Variants in RALYL observed in about 807,000 individuals in gnomAD.
RALYL encodes the protein RNA-binding Raly-like protein.
In RALYL, 29 loss-of-function variants were observed where a neutral mutation model predicts 35.1. The observed-to-expected ratio is 0.83, with a 90% CI of 0.61 to 1.13. RALYL has a LOEUF of 1.13. Ranked by LOEUF, RALYL falls within the 50% of genes most tolerant of loss-of-function variation. The probability of loss-of-function intolerance (pLI) is 0.00; values close to 1 mark genes in which losing one functional copy is unlikely to be tolerated. For missense variants in RALYL, 359 were observed against 360.4 expected (o/e 1.00, Z 0.03); for synonymous variants, 120 against 127.6 (o/e 0.94, Z 0.40).
intron 1 of RALYL, among the ~76,000 whole-genome samples, chr8:84,471,757 G>A (rs1171890165): frequency 6.6e-6 from 1 of 152,142 alleles, no homozygotes; most frequent in Non-Finnish European, 1.5e-5. Flanking sequence ...CATTGGGTAT[G>A]TCATGTTCTG....
intron 1 of RALYL, among the ~76,000 whole-genome samples, chr8:84,295,258 G>A (rs538051567): frequency 6.6e-5 from 10 of 152,204 alleles, no homozygotes; most frequent in African/African-American, 2.2e-4. Flanking sequence ...ACCGTTTGAA[G>A]CAGCAAGATA....
chr8:84,643,886 T>C (rs2131406474), intron 2 of RALYL, among the ~76,000 whole-genome samples: 1 of 152,134 alleles, frequency 6.6e-6, no homozygotes, highest in East Asian at 2.0e-4. Context: ...TGGCTGTTTC[T>C]AGCCATGATC....
chr8:84,260,779 A>T (rs907638926), intron 1 of RALYL, among the ~76,000 whole-genome samples: 1 of 152,200 alleles, frequency 6.6e-6, no homozygotes, highest in East Asian at 1.9e-4. Context: ...AATTTTCAAG[A>T]TCATAGAACC....
At chr8:84,316,261 C>T (rs1048967047) in intron 1 of RALYL, among the ~76,000 whole-genome samples, 8 of 152,194 alleles carry the variant, frequency 5.3e-5, no homozygotes, top group South Asian at 4.1e-4. Context: ...TATTTCCAGA[C>T]GTTCTGGATG....
chr8:84,368,012 C>T (rs1445723034), intron 1 of RALYL, among the ~76,000 whole-genome samples: 1 of 152,098 alleles, frequency 6.6e-6, no homozygotes, highest in Non-Finnish European at 1.5e-5. Flanking sequence ...GTTCTAAGAT[C>T]ACTCTGATTT....
chr8:84,223,230 TC>T (rs1563560475), intron 1 of RALYL, among the ~76,000 whole-genome samples: 15 of 137,922 alleles, frequency 1.1e-4, no homozygotes, highest in African/African-American at 3.8e-4. Context: ...TCCCTTCCCT[TC>T]CCTTCCCTTC....
intron 1 of RALYL, among the ~76,000 whole-genome samples, chr8:84,222,945 C>T (rs906863061): frequency 2.6e-5 from 4 of 152,128 alleles, no homozygotes; most frequent in African/African-American, 7.2e-5. Context: ...TGTAGTGCTA[C>T]TGCCTGCCAC....
At position 84,617,946 on chromosome 8, in the gene RALYL, C is replaced by T. The variant is rs563288437; in HGVS notation, c.256+88369C>T. On this transcript the variant is annotated intron_variant, in intron 2 of 8. Coordinates refer to ENST00000521268, the MANE Select transcript of RALYL (RefSeq NM_173848.7). ...CCTTGCATCCCAGGGATGAAGCCCA[C>T]TTGATCATGGTGGATAAGCCTTTTG... 1.2e-3 allele frequency among the ~76,000 whole-genome samples: 175 copies of T among 151,972 alleles called. 2 individuals are homozygous for T. Among genetic ancestry groups the T allele is most frequent in the Non-Finnish European group, 1.2e-3 (79 of 68,042 alleles).
chr8:84,795,536 A>T (rs1821714125), intron 3 of RALYL, among the ~76,000 whole-genome samples: 2 of 152,184 alleles, frequency 1.3e-5, no homozygotes, highest in South Asian at 4.1e-4. Flanking sequence ...ATACATTATT[A>T]TTTGTACATT....
At chr8:84,796,790 G>C (rs1346287) in intron 3 of RALYL, among the ~76,000 whole-genome samples, 41,986 of 152,004 alleles carry the variant, frequency 0.28, 6,269 homozygotes, top group African/African-American at 0.37. Flanking sequence ...CTAAATTATT[G>C]CATAAACAAC....
intron 1 of RALYL, among the ~76,000 whole-genome samples, chr8:84,267,648 G>T (rs1271097724): frequency 6.6e-6 from 1 of 152,022 alleles, no homozygotes; most frequent in Non-Finnish European, 1.5e-5. Context: ...AAAACTATCT[G>T]CTACCAAGAA....
chr8:84,409,359 T>C (rs2043875206), intron 1 of RALYL, among the ~76,000 whole-genome samples: 1 of 152,064 alleles, frequency 6.6e-6, no homozygotes, highest in Non-Finnish European at 1.5e-5. Flanking sequence ...GCAATGTGTA[T>C]AATTAATTAC....
chr8:84,428,202 A>C (rs1009793458), intron 1 of RALYL, among the ~76,000 whole-genome samples: 2 of 152,032 alleles, frequency 1.3e-5, no homozygotes, highest in African/African-American at 2.4e-5. Flanking sequence ...ACTCTATAGA[A>C]TATATAAACT....
chr8:84,237,933 T>A (rs897181377), intron 1 of RALYL, among the ~76,000 whole-genome samples: 8 of 151,044 alleles, frequency 5.3e-5, no homozygotes, highest in Admixed American at 2.0e-4. Context: ...AGATTTTTTT[T>A]AAAATGAAAG....
chr8:84,800,723 T>C (rs1156651182), intron 3 of RALYL, among the ~76,000 whole-genome samples: 1 of 152,236 alleles, frequency 6.6e-6, no homozygotes, highest in African/African-American at 2.4e-5. Flanking sequence ...TATCACAATG[T>C]AATGATCCGT....
rs71273908 is a variant in RALYL at position 84,638,871 on chromosome 8, AATATAT to A, written c.256+109339_256+109344del. Among the ~76,000 whole-genome samples, 661 of 85,826 alleles carry A rather than the reference AATATAT, an allele frequency of 7.7e-3. 2 individuals are homozygous for A. The highest frequency in any genetic ancestry group is 0.02 in the African/African-American group (258 of 13,092). The allele number at this position is 85,826 out of a possible 152,430, so 56.3% of individuals were successfully genotyped here. On this transcript the variant is annotated intron_variant, in intron 2 of 8. Coordinates refer to ENST00000521268, the MANE Select transcript of RALYL (RefSeq NM_173848.7). Reference sequence around the variant, plus strand: ...AATACGAGTATCTAATGCACGCATAAATATATATATATATATATATATATATATATA... The same window carrying A: ...AATACGAGTATCTAATGCACGCATAAATATATATATATATATATATATATA...
At chr8:84,257,574 C>T (rs1392796368) in intron 1 of RALYL, among the ~76,000 whole-genome samples, 1 of 152,058 alleles carries the variant, frequency 6.6e-6, no homozygotes, top group Non-Finnish European at 1.5e-5. Context: ...TCATCAACAT[C>T]GTCATGGAGA....
chr8:84,731,167 C>T (rs935703404), intron 2 of RALYL, among the ~76,000 whole-genome samples: 4 of 152,060 alleles, frequency 2.6e-5, no homozygotes, highest in Admixed American at 6.6e-5. Context: ...TCTAATCTAT[C>T]GAATGGGAAC....
intron 1 of RALYL, among the ~76,000 whole-genome samples, chr8:84,365,847 A>G (rs924636638): frequency 6.6e-6 from 1 of 152,182 alleles, no homozygotes; most frequent in African/African-American, 2.4e-5. Context: ...AATGGTTAAG[A>G]ACCTAAAGCA....
Sources: allele counts gnomAD v4.1 joint callset (sites outside exome capture counted in the v4.1 genomes callset), GRCh38; gene constraint gnomAD v4.1.1; transcripts MANE v1.5; gene names NCBI Gene and HGNC (gene_info 2026-07-23, HGNC 2026-07-21).